The following ADAM12 variants were observed in gnomAD, a reference collection of about 807,000 sequenced individuals.
ADAM12 encodes the protein disintegrin and metalloproteinase domain-containing protein 12.
ADAM12 carries 70 observed loss-of-function variants against 106.4 expected under a neutral mutation model. The observed-to-expected ratio is 0.66, with a 90% CI of 0.54 to 0.80. The LOEUF is 0.80. ADAM12 is among the 30% of genes least tolerant of loss of function. The pLI is 0.00. For synonymous variants in ADAM12, 420 were observed against 433.5 expected, an observed-to-expected ratio of 0.97 and a Z score of 0.39; for missense variants, 1,010 against 1,171.9, an observed-to-expected ratio of 0.86 and a Z score of 2.02.
chr10:126,293,063 A>G (rs1316316603), intron 2 of ADAM12, among the ~76,000 whole-genome samples: 3 of 152,176 alleles, frequency 2.0e-5, no homozygotes, highest in African/African-American at 4.8e-5. Flanking sequence ...TTGTTGCTCG[A>G]CCAAGTTTCA....
chr10:126,074,269 C>T (rs58833158), intron 11 of ADAM12, among the ~76,000 whole-genome samples: 1,954 of 152,218 alleles, frequency 0.013, 39 homozygotes, highest in African/African-American at 0.044. Flanking sequence ...TAAGAGAAGC[C>T]TGGAAAAGAG....
chr10:126,334,728 C>G (rs1293578302), intron 1 of ADAM12, among the ~76,000 whole-genome samples: 1 of 152,158 alleles, frequency 6.6e-6, no homozygotes, highest in Non-Finnish European at 1.5e-5. Context: ...GCCAACCTTC[C>G]TTTGGTAACT....
intron 3 of ADAM12, among the ~76,000 whole-genome samples, chr10:126,203,524 G>A (rs1957738940): frequency 1.3e-5 from 2 of 152,186 alleles, no homozygotes; most frequent in East Asian, 1.9e-4. Context: ...GCATAAACAC[G>A]CAGAAATACA....
intron 5 of ADAM12, among the ~76,000 whole-genome samples, chr10:126,129,957 GT>G (rs930369264): frequency 2.6e-5 from 4 of 152,096 alleles, no homozygotes; most frequent in Non-Finnish European, 5.9e-5. Flanking sequence ...CTAGAACAGA[GT>G]TTTTTTCTTC....
intron 4 of ADAM12, among the ~76,000 whole-genome samples, chr10:126,153,375 T>C (rs1213706274): frequency 6.6e-6 from 1 of 152,102 alleles, no homozygotes; most frequent in Non-Finnish European, 1.5e-5. Flanking sequence ...TGTCCTGGAG[T>C]ATGTTTAGTT....
intron 3 of ADAM12, among the ~76,000 whole-genome samples, chr10:126,254,099 T>C (rs1415444939): frequency 6.6e-6 from 1 of 152,206 alleles, no homozygotes; most frequent in Non-Finnish European, 1.5e-5. Context: ...ACTGTCCATC[T>C]TCCCAGCTCA....
At chr10:126,315,127 A>G (rs1277751354) in intron 2 of ADAM12, among the ~76,000 whole-genome samples, 2 of 152,358 alleles carry the variant, frequency 1.3e-5, no homozygotes, top group East Asian at 3.9e-4. Context: ...GTTAATGAGC[A>G]TGATAGGTCA....
At chr10:126,148,088 C>A (rs767953088) in intron 4 of ADAM12, among the ~76,000 whole-genome samples, 22 of 152,104 alleles carry the variant, frequency 1.4e-4, no homozygotes, top group Non-Finnish European at 2.9e-4. Context: ...TAGATGTGGG[C>A]AGCAAAGGAT....
intron 3 of ADAM12, among the ~76,000 whole-genome samples, chr10:126,158,705 G>A (rs1357606762): frequency 7.1e-6 from 1 of 140,040 alleles, no homozygotes; most frequent in Non-Finnish European, 1.6e-5. Flanking sequence ...GGGAGAGGAT[G>A]CACAGAGCAT....
intron 3 of ADAM12, among the ~76,000 whole-genome samples, chr10:126,220,828 G>T (rs945863027): frequency 6.6e-6 from 1 of 152,242 alleles, no homozygotes; most frequent in South Asian, 2.1e-4. Flanking sequence ...GGCAGCATCT[G>T]TGTCCCTCTT....
intron 2 of ADAM12, among the ~76,000 whole-genome samples, chr10:126,325,039 C>T (rs755446107): frequency 5.9e-5 from 9 of 152,014 alleles, no homozygotes; most frequent in Non-Finnish European, 8.8e-5. Flanking sequence ...ACATCACCAG[C>T]GGGACCCTTC....
chr10:126,128,849 G>A (rs1165856635), intron 5 of ADAM12, among the ~76,000 whole-genome samples: 1 of 150,124 alleles, frequency 6.7e-6, no homozygotes, highest in African/African-American at 2.5e-5. Flanking sequence ...GTGTGGGAAT[G>A]TGTGCAAGTG....
At chr10:126,041,459 T>G (rs1161409256) in intron 18 of ADAM12, 2 of 985,540 alleles carry the variant, frequency 2.0e-6, no homozygotes, top group African/African-American at 3.5e-5. Context: ...GGTGACTCTG[T>G]GGGTTCCCTG....
At chr10:126,157,201 C>T (rs1956835492) in intron 3 of ADAM12, among the ~76,000 whole-genome samples, 1 of 152,230 alleles carries the variant, frequency 6.6e-6, no homozygotes, top group African/African-American at 2.4e-5. Flanking sequence ...TGGTCCCTTA[C>T]TTCAGGAGAA....
chr10:126,312,157 C>A (rs750422506), intron 2 of ADAM12, among the ~76,000 whole-genome samples: 1 of 146,966 alleles, frequency 6.8e-6, no homozygotes, highest in African/African-American at 2.5e-5. Context: ...AAAAAACCCA[C>A]GTTTGGTGAC....
chr10:126,264,247 G>C (rs1959056464), intron 3 of ADAM12, among the ~76,000 whole-genome samples: 1 of 152,208 alleles, frequency 6.6e-6, no homozygotes, highest in Admixed American at 6.5e-5. Flanking sequence ...TGTGGACACA[G>C]CACGAGAGGC....
intron 2 of ADAM12, among the ~76,000 whole-genome samples, chr10:126,290,185 C>A (rs1035136484): frequency 6.6e-5 from 10 of 152,128 alleles, no homozygotes; most frequent in Non-Finnish European, 1.3e-4. Flanking sequence ...CGCCCTCAAC[C>A]GCCAGCAAGA....
In ADAM12 at chr10:126,330,420, C is replaced by T. The variant is rs150357794; in HGVS notation, c.178G>A (p.Asp60Asn). ...AAAGGAGAGGAACTCACCTTGGAGT[C>T]GAAGCTCTTCACTGGGATCCAGAGG... is the stretch of plus-strand genomic sequence containing the variant. ...GDLWIPVKSF[D>N]SKNHPEVLNI... The change falls in exon 2 of 23, where the codon GAC (aspartate) becomes AAC (asparagine). Residue 60 changes from aspartate to asparagine, a missense_variant. Physicochemically the swap from Asp to Asn is conservative, Grantham distance 23. Transcript: ENST00000448723. 39 of 1,612,324 alleles carry T rather than the reference C, an allele frequency of 2.4e-5. No homozygotes were observed. The highest frequency in any genetic ancestry group is 1.6e-4 in the African/African-American group (12 of 74,806).
At chr10:126,233,162 A>T (rs1958346094) in intron 3 of ADAM12, among the ~76,000 whole-genome samples, 1 of 152,138 alleles carries the variant, frequency 6.6e-6, no homozygotes, top group South Asian at 2.1e-4. Context: ...GGTCCCCATG[A>T]TGCAGGGTGT....
Sources: allele counts gnomAD v4.1 joint callset (sites outside exome capture counted in the v4.1 genomes callset), GRCh38; gene constraint gnomAD v4.1.1; transcripts MANE v1.5; gene names NCBI Gene and HGNC (gene_info 2026-07-23, HGNC 2026-07-21).